Variants in DHRSX observed in about 807,000 individuals in gnomAD.
DHRSX encodes the protein dehydrogenase/reductase X-linked, also known as polyprenol dehydrogenase.
Under a neutral mutation model 34.0 loss-of-function variants are expected in DHRSX, and 31 were observed. That is an observed-to-expected ratio of 0.91 (90% CI 0.69 to 1.23). DHRSX has a LOEUF of 1.23. Among genes scored for constraint, DHRSX ranks in the 50% most tolerant of loss-of-function variants. The probability of loss-of-function intolerance (pLI) is 0.00; values close to 1 mark genes in which losing one functional copy is unlikely to be tolerated. For missense variants in DHRSX, 414 were observed against 428.1 expected (o/e 0.97, Z 0.29); for synonymous variants, 201 against 183.8 (o/e 1.09, Z -0.76).
chrX:2,475,981 T>G (rs1210798058), intron 1 of DHRSX, among the ~76,000 whole-genome samples: 1 of 152,180 alleles, frequency 6.6e-6, no homozygotes, highest in Non-Finnish European at 1.5e-5. Context: ...CCCACTTGAT[T>G]CACACCAAGG....
chrX:2,421,458 G>A (rs1277434936), intron 2 of DHRSX, among the ~76,000 whole-genome samples: 2 of 152,138 alleles, frequency 1.3e-5, no homozygotes, highest in Non-Finnish European at 2.9e-5. Context: ...AGCCAAAAAG[G>A]CTCAAACTTA....
chrX:2,425,778 TCCC>T (rs1423715410), intron 1 of DHRSX, among the ~76,000 whole-genome samples: 3 of 152,058 alleles, frequency 2.0e-5, no homozygotes, highest in African/African-American at 4.8e-5. Flanking sequence ...TACTCACAGG[TCCC>T]AAGAGGAGGG....
intron 5 of DHRSX, among the ~76,000 whole-genome samples, chrX:2,257,656 G>A (rs752364156): frequency 6.6e-6 from 1 of 151,922 alleles, no homozygotes; most frequent in African/African-American, 2.4e-5. Flanking sequence ...ACAGAGTTTC[G>A]GTCTTGTCAC....
intron 3 of DHRSX, among the ~76,000 whole-genome samples, chrX:2,298,614 A>ACACACACG (rs1556457251): frequency 5.5e-4 from 46 of 83,004 alleles, no homozygotes; most frequent in Non-Finnish European, 9.1e-4. Flanking sequence ...ACACACACAC[A>ACACACACG]CACACACACA....
rs768902361 is a variant in DHRSX, at chrX:2,225,173, C to G, written c.805-3944G>C. Among the ~76,000 whole-genome samples the G allele has an allele frequency of 1.3e-4, 19 of 148,394 alleles. No individual in the cohort carries two copies. In the Admixed American group the frequency reaches 1.3e-3, roughly 10 times the overall value. ...ACACACATTCACATGCACTCACACACGCACACAGCTCACACATGCACACAT... is the reference window on the plus strand; with the variant it reads ...ACACACATTCACATGCACTCACACAGGCACACAGCTCACACATGCACACAT... On this transcript the variant is annotated intron_variant, in intron 6 of 6. Transcript: ENST00000334651.
chrX:2,337,082 G>A (rs2042578357), intron 3 of DHRSX, among the ~76,000 whole-genome samples: 1 of 152,058 alleles, frequency 6.6e-6, no homozygotes, highest in South Asian at 2.1e-4. Context: ...GGGATTACAG[G>A]CGTGAGCCAC....
intron 3 of DHRSX, among the ~76,000 whole-genome samples, chrX:2,345,449 C>G (rs962304858): frequency 6.6e-6 from 1 of 151,612 alleles, no homozygotes; most frequent in Non-Finnish European, 1.5e-5. Flanking sequence ...TTGAGATCAG[C>G]CTGGCCAACA....
At chrX:2,258,114 C>G (rs997666254) in intron 5 of DHRSX, among the ~76,000 whole-genome samples, 10 of 152,040 alleles carry the variant, frequency 6.6e-5, no homozygotes, top group East Asian at 5.8e-4. Flanking sequence ...GAGGAGGAAC[C>G]AGCCCTGCTC....
At chrX:2,302,072 G>A (rs1292122743) in intron 3 of DHRSX, among the ~76,000 whole-genome samples, 2 of 152,128 alleles carry the variant, frequency 1.3e-5, no homozygotes, top group Non-Finnish European at 1.5e-5. Context: ...CAGTGATTAG[G>A]TTTTGTTTTA....
At chrX:2,234,162 G>T (rs1405653540) in intron 6 of DHRSX, among the ~76,000 whole-genome samples, 1 of 151,724 alleles carries the variant, frequency 6.6e-6, no homozygotes, top group Non-Finnish European at 1.5e-5. Flanking sequence ...CTCCCTCCCT[G>T]CCTTCACCCA....
At chrX:2,455,689 C>T (rs1315174006) in intron 1 of DHRSX, among the ~76,000 whole-genome samples, 4 of 139,294 alleles carry the variant, frequency 2.9e-5, no homozygotes, top group East Asian at 2.2e-4. Context: ...TGCAGTGAGC[C>T]GAGATTGTGC....
At chrX:2,225,725 A>G (rs1381978741) in intron 6 of DHRSX, among the ~76,000 whole-genome samples, 2 of 151,142 alleles carry the variant, frequency 1.3e-5, no homozygotes, top group Non-Finnish European at 2.9e-5. Context: ...ACAGAGGGAC[A>G]ACCCTGTGAG....
At chrX:2,499,615 T>A (rs1204522542) in intron 1 of DHRSX, among the ~76,000 whole-genome samples, 1 of 150,776 alleles carries the variant, frequency 6.6e-6, no homozygotes, top group Non-Finnish European at 1.5e-5. Context: ...TACAAAAAAT[T>A]TAAAACATTA....
chrX:2,309,394 T>A (rs1269813548), intron 3 of DHRSX, among the ~76,000 whole-genome samples: 1 of 151,944 alleles, frequency 6.6e-6, no homozygotes, highest in Non-Finnish European at 1.5e-5. Flanking sequence ...TGAGTAACAT[T>A]TATATATACA....
At chrX:2,284,872 G>A (rs750139214) in intron 4 of DHRSX, among the ~76,000 whole-genome samples, 3 of 152,304 alleles carry the variant, frequency 2.0e-5, no homozygotes, top group East Asian at 3.9e-4. Context: ...TATGTCTGAA[G>A]TATTTAATGT....
intron 1 of DHRSX, among the ~76,000 whole-genome samples, chrX:2,496,287 CTCCCAGGT>C (rs1028051519): frequency 3.5e-4 from 54 of 152,330 alleles, no homozygotes; most frequent in Middle Eastern, 3.4e-3. Flanking sequence ...CAACCTCCAC[CTCCCAGGT>C]TCACACCATT....
chrX:2,307,344 C>G (rs1400086103), intron 3 of DHRSX, among the ~76,000 whole-genome samples: 1 of 152,124 alleles, frequency 6.6e-6, no homozygotes, highest in Non-Finnish European at 1.5e-5. Context: ...AAGGCTAAAA[C>G]TCTACCTATG....
At chrX:2,489,768 G>C (rs1319260116) in intron 1 of DHRSX, 28 of 1,613,406 alleles carry the variant, frequency 1.7e-5, no homozygotes, top group Non-Finnish European at 2.2e-5. Context: ...TACTCCACCA[G>C]TTTGCGGCAG....
intron 3 of DHRSX, among the ~76,000 whole-genome samples, chrX:2,363,706 T>TTTTATCACCGTTCTATGGTATCATGCCG (rs2042965445): frequency 1.7e-5 from 2 of 120,200 alleles, no homozygotes; most frequent in Admixed American, 1.5e-4. Context: ...GTATCATGCC[T>TTTTATCACCGTTCTATGGTATCATGCCG]CCATTTTATC....
Sources: allele counts gnomAD v4.1 joint callset (sites outside exome capture counted in the v4.1 genomes callset), GRCh38; gene constraint gnomAD v4.1.1; transcripts MANE v1.5; gene names NCBI Gene and HGNC (gene_info 2026-07-23, HGNC 2026-07-21).